RNASEH1: variants seen among roughly 807,000 people sequenced by gnomAD.
RNASEH1 encodes ribonuclease H type II.
In RNASEH1, 27 loss-of-function variants were observed where a neutral mutation model predicts 34.6. The observed-to-expected ratio is 0.78, with a 90% CI of 0.58 to 1.08. The LOEUF (loss-of-function observed/expected upper bound fraction) is 1.08. Ranked by LOEUF, RNASEH1 falls within the 50% of genes least tolerant of loss-of-function variation. RNASEH1 has a pLI of 0.00. For synonymous variants in RNASEH1, 162 were observed against 138.4 expected (o/e 1.17, Z -1.20); for missense variants, 349 against 373.6 (o/e 0.93, Z 0.54).
downstream of RNASEH1, among the ~76,000 whole-genome samples, chr2:3,540,814 T>A (rs927859766): frequency 2.0e-5 from 3 of 152,142 alleles, no homozygotes. Flanking sequence ...AATCACAGAT[T>A]CTCAGAAGAC....
At chr2:3,548,134 T>C (rs1668933148) in intron 6 of RNASEH1, 79 bp from the exon 7 acceptor site, 3 of 1,504,624 alleles carry the variant, frequency 2.0e-6, no homozygotes, top group South Asian at 1.2e-5. Flanking sequence ...CCTCTTATAA[T>C]TGATCCCACT....
chr2:3,538,477 T>C (rs780034664), downstream of RNASEH1, among the ~76,000 whole-genome samples: 2 of 152,110 alleles, frequency 1.3e-5, no homozygotes, highest in African/African-American at 2.4e-5. Context: ...CCCAGTGTAA[T>C]AGAGTAATAC....
At chr2:3,539,691 A>G (rs4072375), downstream of RNASEH1, among the ~76,000 whole-genome samples, 61,432 of 152,024 alleles carry the variant, frequency 0.4, 13,729 homozygotes, top group African/African-American at 0.59. Context: ...TCTGAATGTC[A>G]GCTCATCACG....
rs1010045048 is a variant in RNASEH1 at position 3,542,115 on chromosome 2, C to T, written c.*3670G>A. Among the ~76,000 whole-genome samples the T allele has an allele frequency of 2.6e-5, 4 of 152,140 alleles. No individual in the cohort carries two copies. The highest frequency in any genetic ancestry group is 5.9e-5 in the Non-Finnish European group (4 of 68,012). ...CACTGAGAACAGCCAATTTAGATTT[C>T]AACATACAGATAACAGGGATCCCCA... On this transcript the variant is annotated 3_prime_UTR_variant, in exon 8 of 8. Coordinates refer to ENST00000315212, the MANE Select transcript of RNASEH1 (RefSeq NM_002936.6).
intron 7 of RNASEH1, among the ~76,000 whole-genome samples, chr2:3,546,772 A>C (rs1448036976): frequency 1.3e-5 from 2 of 152,224 alleles, no homozygotes; most frequent in African/African-American, 2.4e-5. Flanking sequence ...CTCCATCTCA[A>C]AACAATAAAA....
rs558388815 is a variant in RNASEH1, at chr2:3,543,214, G to C, written c.*2571C>G. Among the ~76,000 whole-genome samples the C allele has an allele frequency of 6.6e-6, 1 of 152,198 alleles. No homozygotes were observed. Among genetic ancestry groups the C allele is most frequent in the African/African-American group, 2.4e-5 (1 of 41,462 alleles). On this transcript the variant is annotated 3_prime_UTR_variant, in exon 8 of 8. Transcript: ENST00000315212. ...CTGCAGTCAGTCTGGCCATGTACAT[G>C]TGTCTTTCCCTTCCTGTGGCTATAA...
At chr2:3,550,076 A>G in intron 4 of RNASEH1, 1 of 298,278 alleles carries the variant, frequency 3.4e-6, no homozygotes. Flanking sequence ...CCAGAAGGTG[A>G]AGTCTGCAGT....
rs751126420 is a variant in RNASEH1 at position 3,558,183 on chromosome 2, C to T, written c.78G>A (p.Gly26=). 4 of 1,602,886 alleles carry T rather than the reference C, an allele frequency of 2.5e-6. No homozygotes were observed. The South Asian group carries it at 4.5e-5, about 18-fold the overall frequency. Residue 26 remains glycine, a synonymous_variant, in exon 1 of 8, where the codon GGG becomes GGA. Coordinates refer to ENST00000315212, the MANE Select transcript of RNASEH1 (RefSeq NM_002936.6). ...LPCRRGSRGF[G]MFYAVRRGRK... The stretch of plus-strand genomic sequence containing the variant: ...GGCCCCTCCTCACGGCATAGAACAT[C>T]CCGAACCCGCGAGAGCCGCGGCGGC...
intron 7 of RNASEH1, among the ~76,000 whole-genome samples, chr2:3,547,033 G>C (rs532565329): frequency 7.2e-5 from 11 of 152,286 alleles, no homozygotes; most frequent in East Asian, 1.9e-4. Context: ...TGAGGCACGA[G>C]AATCACTTGA....
chr2:3,549,217 T>C lies in RNASEH1; in HGVS notation c.510-105A>G, dbSNP rs891870338. On this transcript the variant is annotated intron_variant, in intron 4 of 7. Coordinates refer to ENST00000315212, the MANE Select transcript of RNASEH1 (RefSeq NM_002936.6). ...CTAGTGTGTATTCTTATTTGAAATATAAAAGCATCATATAAAAATCAAACT... is the reference window on the plus strand; with the variant it reads ...CTAGTGTGTATTCTTATTTGAAATACAAAAGCATCATATAAAAATCAAACT... The C allele has an allele frequency of 4.3e-6, 4 of 931,942 alleles. No individual in the cohort carries two copies. In the African/African-American group the frequency reaches 5.0e-5, roughly 12 times the overall value. The allele number at this position is 931,942 out of a possible 1,614,324, so 57.7% of individuals were successfully genotyped here. A position where few individuals can be genotyped will look rare whatever the true frequency, so the allele number is the denominator to read the frequency against.
intron 2 of RNASEH1, among the ~76,000 whole-genome samples, chr2:3,556,174 A>G (rs796678621): frequency 1.0e-4 from 15 of 147,494 alleles, no homozygotes; most frequent in South Asian, 4.3e-4. Flanking sequence ...TGTCTCAAGG[A>G]AAAAAAAAAA....
chr2:3,543,879 G>A lies in RNASEH1; in HGVS notation c.*1906C>T, dbSNP rs912181784. Among the ~76,000 whole-genome samples the A allele has an allele frequency of 6.6e-6, 1 of 152,160 alleles. No individual in the cohort carries two copies. The highest frequency in any genetic ancestry group is 2.4e-5 in the African/African-American group (1 of 41,424). ...TCCTCCAGCCTCAGCCTCCCAAAGT[G>A]CTGGGATTACAGGCATAAGACACCA... On this transcript the variant is annotated 3_prime_UTR_variant, in exon 8 of 8. Transcript: ENST00000315212.
intron 3 of RNASEH1, among the ~76,000 whole-genome samples, chr2:3,550,986 T>A (rs1659823656): frequency 6.6e-6 from 1 of 152,218 alleles, no homozygotes; most frequent in African/African-American, 2.4e-5. Context: ...AGGGTATGAT[T>A]GACACACAAA....
chr2:3,545,536 A>G lies in RNASEH1; in HGVS notation c.*249T>C, dbSNP rs1668664213. On this transcript the variant is annotated 3_prime_UTR_variant, in exon 8 of 8. Transcript: ENST00000315212. ...CTGCAATAAAACAAGCAAGGACAGTATTGAACCCAGTAAACATAATGTGGA... is the reference window on the plus strand; with the variant it reads ...CTGCAATAAAACAAGCAAGGACAGTGTTGAACCCAGTAAACATAATGTGGA... The G allele has an allele frequency of 1.9e-6, 1 of 527,566 alleles. No homozygotes were observed. Among genetic ancestry groups the G allele is most frequent in the African/African-American group, 1.9e-5 (1 of 52,798 alleles). 32.7% of individuals were successfully genotyped at this position (527,566 alleles called of 1,614,324 possible). A position where few individuals can be genotyped will look rare whatever the true frequency, so the allele number is the denominator to read the frequency against.
intron 2 of RNASEH1, 94 bp from the exon 3 acceptor site, chr2:3,552,402 T>C (rs937770086): frequency 4.5e-5 from 57 of 1,259,834 alleles, no homozygotes; most frequent in Admixed American, 4.4e-5. Flanking sequence ...TTAGTATCAT[T>C]AAATCAGACT....
At chr2:3,534,216 A>G in the RNASEH1 span, 1 of 152,298 alleles carries the variant, frequency 6.6e-6, no homozygotes, top group Non-Finnish European at 1.5e-5. Flanking sequence ...GGTTGTCTGC[A>G]TAACCTTATT....
At chr2:3,539,731 C>T (rs1285281413), downstream of RNASEH1, among the ~76,000 whole-genome samples, 5 of 152,118 alleles carry the variant, frequency 3.3e-5, no homozygotes, top group Non-Finnish European at 7.4e-5. Flanking sequence ...AGTTGAGTGA[C>T]CTATTCCTTC....
intron 4 of RNASEH1, chr2:3,550,083 C>T: frequency 3.0e-6 from 1 of 337,034 alleles, no homozygotes; most frequent in Non-Finnish European, 5.5e-6. Flanking sequence ...GTGAAGTCTG[C>T]AGTGAGCTGT....
chr2:3,552,443 C>T (rs1189282720), intron 2 of RNASEH1, 135 bp from the exon 3 acceptor site: 5 of 767,980 alleles, frequency 6.5e-6, no homozygotes, highest in African/African-American at 1.8e-5. Context: ...GGCCCTACAA[C>T]GAGGGAAACG....
Sources: allele counts gnomAD v4.1 joint callset (sites outside exome capture counted in the v4.1 genomes callset), GRCh38; gene constraint gnomAD v4.1.1; transcripts MANE v1.5; gene names NCBI Gene and HGNC (gene_info 2026-07-23, HGNC 2026-07-21).